Variants in LRP2 observed in about 807,000 individuals in gnomAD.
LRP2 encodes low-density lipoprotein receptor-related protein 2.
In LRP2, 172 loss-of-function variants were observed where a neutral mutation model predicts 531.0. The observed-to-expected ratio is 0.32, with a 90% CI of 0.29 to 0.37. The LOEUF is 0.37. Ranked by LOEUF, LRP2 falls within the 10% of genes least tolerant of loss-of-function variation. LRP2 has a pLI of 1.00. For missense variants in LRP2, 5,167 were observed against 5,868.3 expected, an observed-to-expected ratio of 0.88 and a Z score of 3.90; for synonymous variants, 1,992 against 2,027.6, an observed-to-expected ratio of 0.98 and a Z score of 0.47.
intron 6 of LRP2, 144 bp from the exon 7 acceptor site, chr2:169,292,513 T>G (rs758628286): frequency 1.1e-5 from 7 of 664,748 alleles, no homozygotes; most frequent in Non-Finnish European, 1.9e-5. Context: ...ACAAAAATTT[T>G]TAAAAAGGAG....
At chr2:169,346,287 A>G (rs947883381) in intron 1 of LRP2, among the ~76,000 whole-genome samples, 2 of 152,204 alleles carry the variant, frequency 1.3e-5, no homozygotes, top group African/African-American at 4.8e-5. Flanking sequence ...ACTGTCTTTC[A>G]GTTAGTATGT....
Position 169,233,530 on chromosome 2 carries a change from C to T in LRP2, c.4979G>A (p.Arg1660His), listed in dbSNP as rs373017594. 147 of 1,613,948 alleles carry T rather than the reference C, an allele frequency of 9.1e-5. No individual in the cohort carries two copies. Among genetic ancestry groups the T allele is most frequent in the Non-Finnish European group, 1.1e-4 (133 of 1,180,018 alleles). ...GGCTCGCATAACCCGACGAGTAGCACGGTCAGTCCAGTACACAGAGTCTTC... is the reference window on the plus strand; with the variant it reads ...GGCTCGCATAACCCGACGAGTAGCATGGTCAGTCCAGTACACAGAGTCTTC... ...LFEDSVYWTD[R>H]ATRRVMRANK... Residue 1660 changes from arginine to histidine, a missense_variant, in exon 30 of 79, where the codon CGT becomes CAT. Coordinates refer to ENST00000649046, the MANE Select transcript of LRP2 (RefSeq NM_004525.3).
intron 25 of LRP2, 109 bp from the exon 26 acceptor site, chr2:169,239,884 T>C (rs1689742874): frequency 1.1e-6 from 1 of 948,434 alleles, no homozygotes; most frequent in Non-Finnish European, 1.7e-6. Context: ...TTCAATATGA[T>C]GCCCAGACAA....
chr2:169,353,301 G>C (rs904116986), intron 1 of LRP2, among the ~76,000 whole-genome samples: 2 of 152,120 alleles, frequency 1.3e-5, no homozygotes, highest in Admixed American at 1.3e-4. Context: ...GAAACACGTA[G>C]CCCCATTTGC....
chr2:169,339,289 C>T (rs1254805466), intron 1 of LRP2, among the ~76,000 whole-genome samples: 2 of 152,048 alleles, frequency 1.3e-5, no homozygotes, highest in Non-Finnish European at 2.9e-5. Context: ...TTTTATTTTA[C>T]ATTATTACTT....
intron 43 of LRP2, 32 bp from the exon 44 acceptor site, chr2:169,201,902 T>C: frequency 6.2e-7 from 1 of 1,613,254 alleles, no homozygotes. Context: ...GAACAAACCC[T>C]CTTGATTAAA....
chr2:169,212,349 C>A, intron 36 of LRP2, 142 bp from the exon 37 acceptor site: 1 of 1,028,572 alleles, frequency 9.7e-7, no homozygotes. Context: ...AATCTAAAAA[C>A]AACATCGGAG....
intron 4 of LRP2, among the ~76,000 whole-genome samples, chr2:169,296,094 C>T (rs567385556): frequency 1.3e-5 from 2 of 152,180 alleles, no homozygotes; most frequent in East Asian, 3.9e-4. Flanking sequence ...CTGTACTAAA[C>T]TTGTGCCATG....
intron 63 of LRP2, among the ~76,000 whole-genome samples, chr2:169,160,552 T>C (rs1309254604): frequency 2.6e-5 from 4 of 151,894 alleles, no homozygotes; most frequent in Admixed American, 6.6e-5. Flanking sequence ...AACTAGTATA[T>C]TAAAAAAGAA....
chr2:169,245,268 ATTC>A, intron 21 of LRP2, among the ~76,000 whole-genome samples: 1 of 152,358 alleles, frequency 6.6e-6, no homozygotes, highest in South Asian at 2.1e-4. Flanking sequence ...CCTGCCTATG[ATTC>A]ACGCTCTGGT....
In LRP2 at chr2:169,327,232, G is replaced by C. The variant is rs1353979612; in HGVS notation, c.80-6348C>G. 1.7e-4 allele frequency among the ~76,000 whole-genome samples: 21 copies of C among 124,350 alleles called. 1 individual carries two copies. Among genetic ancestry groups the C allele is most frequent in the Non-Finnish European group, 5.2e-5 (3 of 57,954 alleles). 81.6% of individuals were successfully genotyped at this position (124,350 alleles called of 152,430 possible). On this transcript the variant is annotated intron_variant, in intron 1 of 78. Transcript: ENST00000649046. Reference sequence around the variant, plus strand: ...CAGCCGCCCCATCCGGGAGGGAGGTGGGGGGGTCAGCCCCACGTCCGGGAG... The same window carrying C: ...CAGCCGCCCCATCCGGGAGGGAGGTCGGGGGGTCAGCCCCACGTCCGGGAG...
intron 1 of LRP2, among the ~76,000 whole-genome samples, chr2:169,332,658 A>C (rs1685297880): frequency 6.6e-6 from 1 of 152,226 alleles, no homozygotes; most frequent in African/African-American, 2.4e-5. Flanking sequence ...ACATGCTAGG[A>C]ACTAAATAAC....
intron 9 of LRP2, among the ~76,000 whole-genome samples, chr2:169,286,714 G>T (rs1683868406): frequency 6.6e-6 from 1 of 152,154 alleles, no homozygotes; most frequent in African/African-American, 2.4e-5. Context: ...AGCTTGTGGG[G>T]CATCACAAGA....
intron 14 of LRP2, 111 bp from the exon 15 acceptor site, chr2:169,273,178 A>G: frequency 8.0e-7 from 1 of 1,245,282 alleles, no homozygotes; most frequent in Non-Finnish European, 1.2e-6. Flanking sequence ...GTAATGGATT[A>G]GCAACGTGTT....
chr2:169,299,939 A>G (rs1336315076), intron 4 of LRP2, among the ~76,000 whole-genome samples: 3 of 152,138 alleles, frequency 2.0e-5, no homozygotes, highest in Non-Finnish European at 4.4e-5. Flanking sequence ...TTGCTGGATG[A>G]ATGTCAATAT....
intron 1 of LRP2, among the ~76,000 whole-genome samples, chr2:169,358,568 A>C (rs1474807672): frequency 6.6e-6 from 1 of 152,230 alleles, no homozygotes; most frequent in African/African-American, 2.4e-5. Context: ...GTTGTGATGG[A>C]ATAAAAACGA....
chr2:169,260,645 A>T (rs1205430768), intron 16 of LRP2, among the ~76,000 whole-genome samples: 2 of 152,066 alleles, frequency 1.3e-5, no homozygotes. Context: ...GACCTACAGA[A>T]AGGCTTGCTT....
intron 62 of LRP2, among the ~76,000 whole-genome samples, chr2:169,164,848 T>A (rs2105265746): frequency 6.6e-6 from 1 of 152,316 alleles, no homozygotes; most frequent in Non-Finnish European, 1.5e-5. Flanking sequence ...GTGCTACAAA[T>A]GTCTTGCTCC....
At chr2:169,167,280 A>G (rs1196939156) in intron 61 of LRP2, among the ~76,000 whole-genome samples, 1 of 152,226 alleles carries the variant, frequency 6.6e-6, no homozygotes, top group Non-Finnish European at 1.5e-5. Flanking sequence ...AATATAATGA[A>G]CACTAATTAA....
Sources: allele counts gnomAD v4.1 joint callset (sites outside exome capture counted in the v4.1 genomes callset), GRCh38; gene constraint gnomAD v4.1.1; transcripts MANE v1.5; gene names NCBI Gene and HGNC (gene_info 2026-07-23, HGNC 2026-07-21).